Variants in PICALM observed in about 807,000 individuals in gnomAD.
PICALM encodes the protein phosphatidylinositol binding clathrin assembly protein.
In PICALM, 40 loss-of-function variants were observed where a neutral mutation model predicts 80.5. The ratio of observed to expected loss-of-function variants is 0.50; its 90% CI spans 0.39 to 0.65. PICALM has a LOEUF of 0.65. Ranked by LOEUF, PICALM falls within the 30% of genes least tolerant of loss-of-function variation. PICALM has a pLI of 0.00. For synonymous variants in PICALM, 288 were observed against 260.3 expected (o/e 1.11, Z -1.02); for missense variants, 676 against 778.9 (o/e 0.87, Z 1.57).
intron 19 of PICALM, 111 bp downstream of exon 19, chr11:85,974,597 G>A (rs2094214742): frequency 1.3e-6 from 1 of 761,372 alleles, no homozygotes; most frequent in African/African-American, 1.7e-5. Context: ...TATCCATAAT[G>A]AAGGTAGAAA....
chr11:85,959,656 A>AAC (rs1402591265), intron 19 of PICALM, among the ~76,000 whole-genome samples: 12 of 149,896 alleles, frequency 8.0e-5, no homozygotes, highest in Non-Finnish European at 1.5e-4. Context: ...AAAAAAAAAA[A>AAC]GCTCATTGGA....
intron 9 of PICALM, 21 bp from the exon 10 acceptor site, chr11:86,001,179 T>A (rs1265397757): frequency 1.2e-6 from 2 of 1,609,570 alleles, no homozygotes; most frequent in Non-Finnish European, 1.7e-6. Context: ...TGAACAGAGA[T>A]AATTTGGCTT....
intron 19 of PICALM, among the ~76,000 whole-genome samples, chr11:85,963,766 GTCTA>G (rs2093773799): frequency 6.6e-6 from 1 of 151,848 alleles, no homozygotes; most frequent in Non-Finnish European, 1.5e-5. Flanking sequence ...GTTTCATATA[GTCTA>G]TCTATCAACA....
intron 1 of PICALM, among the ~76,000 whole-genome samples, chr11:86,049,094 A>T (rs2096130303): frequency 6.6e-6 from 1 of 152,146 alleles, no homozygotes; most frequent in Non-Finnish European, 1.5e-5. Flanking sequence ...GGAGTTCCAG[A>T]CCAGCCTGAC....
Position 85,957,492 on chromosome 11 carries a change from A to G in PICALM, c.*1554T>C, listed in dbSNP as rs888500739. On this transcript the variant is annotated 3_prime_UTR_variant, in exon 20 of 20. Transcript: ENST00000393346. ...TAATAAGTAGTTGCATTTATCAATAAGAGTCTACAAGGTAACAAAAAGTGT... is the reference window on the plus strand; with the variant it reads ...TAATAAGTAGTTGCATTTATCAATAGGAGTCTACAAGGTAACAAAAAGTGT... 1.3e-5 allele frequency among the ~76,000 whole-genome samples: 2 copies of G among 152,228 alleles called. No individual in the cohort carries two copies. Among genetic ancestry groups the G allele is most frequent in the African/African-American group, 4.8e-5 (2 of 41,464 alleles).
chr11:86,052,107 G>A (rs769139326), intron 1 of PICALM, among the ~76,000 whole-genome samples: 11 of 152,192 alleles, frequency 7.2e-5, no homozygotes, highest in Non-Finnish European at 1.5e-4. Flanking sequence ...TAATACCCAT[G>A]TGAAGGACAG....
At chr11:86,045,691 A>T (rs1343777931) in intron 1 of PICALM, among the ~76,000 whole-genome samples, 1 of 152,108 alleles carries the variant, frequency 6.6e-6, no homozygotes, top group Admixed American at 6.6e-5. Flanking sequence ...TTTATTTTCA[A>T]AACCACATTC....
chr11:86,018,466 TTATTC>T (rs1190157598), intron 4 of PICALM, among the ~76,000 whole-genome samples: 8 of 152,172 alleles, frequency 5.3e-5, no homozygotes, highest in African/African-American at 1.7e-4. Flanking sequence ...TTTTAATAAT[TTATTC>T]TATAGAAAAA....
chr11:86,015,072 T>C (rs563953340), intron 4 of PICALM, 109 bp from the exon 5 acceptor site: 7 of 649,836 alleles, frequency 1.1e-5, no homozygotes, highest in African/African-American at 7.7e-5. Context: ...TGCTATGAAA[T>C]GTCACATATT....
chr11:85,984,536 T>C (rs1378886344), intron 13 of PICALM, among the ~76,000 whole-genome samples: 1 of 152,184 alleles, frequency 6.6e-6, no homozygotes, highest in Non-Finnish European at 1.5e-5. Flanking sequence ...TATGTCCACC[T>C]GTATCCATAT....
chr11:85,962,577 T>C (rs537151767), intron 19 of PICALM, among the ~76,000 whole-genome samples: 3 of 152,318 alleles, frequency 2.0e-5, no homozygotes, highest in Admixed American at 6.5e-5. Flanking sequence ...AGACAAGTCC[T>C]AGAGGCTTAT....
chr11:86,022,416 C>T lies in PICALM; in HGVS notation c.403G>A (p.Ala135Thr), dbSNP rs2095580084. 1 of 1,594,238 alleles carries T rather than the reference C, an allele frequency of 6.3e-7. No homozygotes were observed. Among genetic ancestry groups the T allele is most frequent in the Admixed American group, 1.7e-5 (1 of 58,222 alleles). The change falls in exon 4 of 20, where the codon GCA becomes ACA. Residue 135 changes from alanine to threonine, a missense_variant. Physicochemically the swap from Ala to Thr is moderately conservative, Grantham distance 58 (BLOSUM62 0). Around this residue, in one of 2 missense-constraint regions of PICALM, gnomAD observed 285 missense variants for 395.4 expected, o/e 0.72. Coordinates refer to ENST00000393346, the MANE Select transcript of PICALM (RefSeq NM_007166.4). Reference protein sequence around the residue: ...RRYSRYLNEKAVSYRQVAFDF... With the variant: ...RRYSRYLNEKTVSYRQVAFDF... ...AATGCAACTTGTCTGTATGAAACTG[C>T]TTTCTCATTTAAATATCTACTATAC...
At chr11:85,981,070 T>C in intron 17 of PICALM, 59 bp downstream of exon 17, 2 of 815,316 alleles carry the variant, frequency 2.5e-6, no homozygotes, top group South Asian at 2.8e-5. Context: ...AACATTTTCA[T>C]GTTACATATT....
intron 4 of PICALM, among the ~76,000 whole-genome samples, chr11:86,019,795 T>C (rs2095536331): frequency 6.6e-6 from 1 of 152,212 alleles, no homozygotes; most frequent in Non-Finnish European, 1.5e-5. Flanking sequence ...AGAGGTTACC[T>C]CTATATTTTA....
chr11:86,014,878 C>A lies in PICALM; in HGVS notation c.538G>T (p.Asp180Tyr). The change falls in exon 5 of 20, where the codon GAT becomes TAT. Residue 180 changes from aspartate to tyrosine, a missense_variant. Coordinates refer to ENST00000393346, the MANE Select transcript of PICALM (RefSeq NM_007166.4). ...IIQNQMDALL[D>Y]FNVNSNELTN... ...ACAAAAGCATAACTCACATTAAAAT[C>A]AAGAAGTGCATCCATCTGATTCTGA... 1 of 1,529,458 alleles carries A rather than the reference C, an allele frequency of 6.5e-7. No individual in the cohort carries two copies. The highest frequency in any genetic ancestry group is 1.2e-5 in the South Asian group (1 of 85,422). 94.7% of individuals were successfully genotyped at this position (1,529,458 alleles called of 1,614,324 possible).
chr11:86,066,733 T>G (rs1396693386), intron 1 of PICALM, among the ~76,000 whole-genome samples: 2 of 148,918 alleles, frequency 1.3e-5, no homozygotes, highest in African/African-American at 5.0e-5. Context: ...ACTAGTTTCT[T>G]CATACTCCCA....
rs1057459211 is a variant in PICALM at position 86,055,649 on chromosome 11, TA to T, written c.130+13001del. The stretch of plus-strand genomic sequence containing the variant: ...GTATTCCATGTCAACTTCAAAAGAT[TA>T]AAAACCCAAATATCTTTGGTTTTCC... On this transcript the variant is annotated intron_variant, in intron 1 of 19. Coordinates refer to ENST00000393346, the MANE Select transcript of PICALM (RefSeq NM_007166.4). Among the ~76,000 whole-genome samples, 200 of 152,278 alleles carry T rather than the reference TA, an allele frequency of 1.3e-3. 1 individual carries two copies. The highest frequency in any genetic ancestry group is 4.7e-3 in the African/African-American group (195 of 41,544).
intron 4 of PICALM, 78 bp from the exon 5 acceptor site, chr11:86,015,041 T>C: frequency 3.6e-6 from 3 of 822,288 alleles, no homozygotes; most frequent in South Asian, 3.4e-5. Flanking sequence ...CCTGGTTTTC[T>C]ACTAAAACAG....
At chr11:86,003,558 C>A (rs971988079) in intron 8 of PICALM, 107 bp from the exon 9 acceptor site, 4 of 547,820 alleles carry the variant, frequency 7.3e-6, no homozygotes, top group Non-Finnish European at 1.2e-5. Context: ...GTATGTTCTT[C>A]ATGTACTAAT....
Sources: gnomAD v4.1 joint callset for allele counts (sites outside exome capture counted in the v4.1 genomes callset) on GRCh38, gnomAD v4.1.1 for gene constraint, gnomAD v4.1.1 regional missense constraint, MANE v1.5 for transcripts, NCBI Gene and HGNC (gene_info 2026-07-23, HGNC 2026-07-21) for gene names.